Variants in PDE7B observed in about 807,000 individuals in gnomAD.
PDE7B encodes 3',5'-cyclic-AMP phosphodiesterase 7B.
In PDE7B, 29 loss-of-function variants were observed where a neutral mutation model predicts 56.2. The ratio of observed to expected loss-of-function variants is 0.52; its 90% CI spans 0.38 to 0.70. The LOEUF (loss-of-function observed/expected upper bound fraction) is 0.70. Ranked by LOEUF, PDE7B falls within the 30% of genes least tolerant of loss-of-function variation. PDE7B has a pLI of 0.00. For synonymous variants in PDE7B, 197 were observed against 196.9 expected, an observed-to-expected ratio of 1.00 and a Z score of 0.00; for missense variants, 490 against 565.0, an observed-to-expected ratio of 0.87 and a Z score of 1.35.
intron 2 of PDE7B, among the ~76,000 whole-genome samples, chr6:136,010,030 T>C (rs907770083): frequency 6.6e-6 from 1 of 152,196 alleles, no homozygotes; most frequent in African/African-American, 2.4e-5. Flanking sequence ...CTTTCAGTTG[T>C]GGTATTAGGT....
chr6:135,970,821 G>A (rs1000569531), intron 2 of PDE7B, among the ~76,000 whole-genome samples: 2 of 152,150 alleles, frequency 1.3e-5, no homozygotes, highest in South Asian at 2.1e-4. Flanking sequence ...GTGGGGCAGC[G>A]AGACGTTTGG....
At chr6:136,010,805 G>T (rs866183835) in intron 2 of PDE7B, among the ~76,000 whole-genome samples, 1 of 152,072 alleles carries the variant, frequency 6.6e-6, no homozygotes, top group Non-Finnish European at 1.5e-5. Context: ...CAAAATTAGA[G>T]ATTAAGGAAA....
intron 1 of PDE7B, among the ~76,000 whole-genome samples, chr6:135,895,973 G>A (rs142207930): frequency 6.2e-4 from 94 of 152,142 alleles, no homozygotes; most frequent in Admixed American, 2.3e-3. Context: ...ACCAATCTTC[G>A]TATTTTCTGT....
At chr6:136,157,844 C>G (rs1430145462) in intron 8 of PDE7B, among the ~76,000 whole-genome samples, 2 of 152,302 alleles carry the variant, frequency 1.3e-5, no homozygotes, top group African/African-American at 4.8e-5. Context: ...TTAAATTCCA[C>G]AACTCCAGAA....
chr6:136,038,732 A>C (rs1198646358), intron 2 of PDE7B, among the ~76,000 whole-genome samples: 1 of 152,184 alleles, frequency 6.6e-6, no homozygotes, highest in Non-Finnish European at 1.5e-5. Flanking sequence ...ACTGGAAATC[A>C]AGAAACCTGG....
intron 2 of PDE7B, among the ~76,000 whole-genome samples, chr6:135,976,182 T>A (rs962737463): frequency 2.6e-5 from 4 of 152,152 alleles, no homozygotes; most frequent in African/African-American, 7.2e-5. Context: ...AACTATGTAA[T>A]CCCTTAGAAA....
intron 2 of PDE7B, among the ~76,000 whole-genome samples, chr6:135,981,360 A>C (rs187778318): frequency 1.4e-4 from 21 of 151,664 alleles, no homozygotes; most frequent in African/African-American, 4.8e-4. Flanking sequence ...GGTGCAGCGC[A>C]CCAGCATGGC....
In PDE7B at chr6:136,187,115, T is replaced by G. The variant is rs757764605; in HGVS notation, c.1125T>G (p.Ile375Met). 2.1e-5 allele frequency: 31 copies of G among 1,476,356 alleles called. No individual in the cohort carries two copies. Among genetic ancestry groups the G allele is most frequent in the Non-Finnish European group, 2.9e-5 (31 of 1,058,340 alleles). The allele number at this position is 1,476,356 out of a possible 1,614,324, so 91.5% of individuals were successfully genotyped here. A position where few individuals can be genotyped will look rare whatever the true frequency, so the allele number is the denominator to read the frequency against. Residue 375 changes from isoleucine (I) to methionine (M), a missense_variant and splice_region_variant, in exon 12 of 13, where the codon ATT (isoleucine) becomes ATG (methionine). Physicochemically the swap from Ile to Met is conservative, Grantham distance 10. Transcript: ENST00000308191. The part of the protein sequence containing the change: ...QQKDSIPSIQ[I>M]GFMSYIVEPL... ...AAGATTCCATCCCTAGTATACAAATTGGTGAGTTGAATTCAGTGTTAATTC... is the reference window on the plus strand; with the variant it reads ...AAGATTCCATCCCTAGTATACAAATGGGTGAGTTGAATTCAGTGTTAATTC...
At chr6:136,181,120 T>A in intron 10 of PDE7B, 107 bp from the exon 11 acceptor site, 1 of 764,250 alleles carries the variant, frequency 1.3e-6, no homozygotes. Flanking sequence ...AATATGGGCC[T>A]GGTACTGTGA....
At chr6:135,914,135 A>G (rs958053794) in intron 1 of PDE7B, among the ~76,000 whole-genome samples, 1 of 152,182 alleles carries the variant, frequency 6.6e-6, no homozygotes, top group Non-Finnish European at 1.5e-5. Flanking sequence ...ACAGGCATGT[A>G]TTCTAAACAG....
chr6:136,058,880 G>C (rs556182091), intron 2 of PDE7B, among the ~76,000 whole-genome samples: 30 of 152,094 alleles, frequency 2.0e-4, no homozygotes, highest in Non-Finnish European at 3.4e-4. Context: ...TGATTTGGGG[G>C]GAAAAAAGTG....
chr6:136,194,977 A>G lies in PDE7B; in HGVS notation c.*3137A>G, dbSNP rs960214784. 2.0e-5 allele frequency: 3 copies of G among 152,184 alleles called. No homozygotes were observed. The highest frequency in any genetic ancestry group is 7.2e-5 in the African/African-American group (3 of 41,444). 9.4% of individuals were successfully genotyped at this position (152,184 alleles called of 1,614,324 possible). On this transcript the variant is annotated 3_prime_UTR_variant, in exon 13 of 13. Transcript: ENST00000308191. ...TGTTCTCCTTGTCCATGGACCATCA[A>G]TAGTTGACTTGCCAGGTTTAATTCT...
At chr6:135,931,949 G>T (rs202093331) in intron 1 of PDE7B, among the ~76,000 whole-genome samples, 1 of 62,164 alleles carries the variant, frequency 1.6e-5, no homozygotes, top group Non-Finnish European at 3.0e-5. Context: ...ACACACACGC[G>T]CGCGCACACA....
At chr6:136,131,543 C>G (rs1778118679) in intron 3 of PDE7B, among the ~76,000 whole-genome samples, 1 of 118,140 alleles carries the variant, frequency 8.5e-6, no homozygotes. Flanking sequence ...GCCCAAGTAA[C>G]TCCCACTCTT....
chr6:135,888,567 T>C (rs1285111283), intron 1 of PDE7B, among the ~76,000 whole-genome samples: 1 of 152,018 alleles, frequency 6.6e-6, no homozygotes, highest in Non-Finnish European at 1.5e-5. Context: ...AGGTATAAAA[T>C]AAACATCACT....
Position 136,107,995 on chromosome 6 carries a change from C to T in PDE7B, c.83-736C>T, listed in dbSNP as rs1313507393. On this transcript the variant is annotated intron_variant, in intron 2 of 12. Coordinates refer to ENST00000308191, the MANE Select transcript of PDE7B (RefSeq NM_018945.4). ...TACAAAAATTAGCTAGGCATAGTGGCGTGTGCCTGTAGTCCCAGCTACTCG... is the reference window on the plus strand; with the variant it reads ...TACAAAAATTAGCTAGGCATAGTGGTGTGTGCCTGTAGTCCCAGCTACTCG... Among the ~76,000 whole-genome samples, 24 of 151,940 alleles carry T rather than the reference C, an allele frequency of 1.6e-4. No individual in the cohort carries two copies. The East Asian group carries it at 2.9e-3, about 18-fold the overall frequency.
chr6:135,924,594 A>C (rs1185908163), intron 1 of PDE7B, among the ~76,000 whole-genome samples: 1 of 130,912 alleles, frequency 7.6e-6, no homozygotes, highest in Non-Finnish European at 1.6e-5. Context: ...TCAAACTCTG[A>C]GTAGTGGAAT....
intron 3 of PDE7B, among the ~76,000 whole-genome samples, chr6:136,132,672 A>G (rs1420428800): frequency 6.6e-6 from 1 of 152,206 alleles, no homozygotes; most frequent in African/African-American, 2.4e-5. Context: ...TATGGATTGA[A>G]TACATGGAAT....
rs368161651 is a variant in PDE7B, at chr6:136,156,037, T to C, written c.711+279T>C. ...ATCTCTAAAGAGTAAATACTTGTGC[T>C]GTTCTTTGTATCCAAAGACCTTACT... On this transcript the variant is annotated intron_variant, in intron 8 of 12. Transcript: ENST00000308191. The C allele has an allele frequency of 1.9e-3, 920 of 489,940 alleles. 16 individuals are homozygous for C. The highest frequency in any genetic ancestry group is 0.017 in the South Asian group (889 of 51,954). The allele number at this position is 489,940 out of a possible 1,614,324, so 30.3% of individuals were successfully genotyped here.
Sources: allele counts gnomAD v4.1 joint callset (sites outside exome capture counted in the v4.1 genomes callset), GRCh38; gene constraint gnomAD v4.1.1; transcripts MANE v1.5; gene names NCBI Gene and HGNC (gene_info 2026-07-23, HGNC 2026-07-21).